The following PDE3A variants were observed in gnomAD, a reference collection of about 807,000 sequenced individuals.
PDE3A encodes phosphodiesterase 3A, also known as cGMP-inhibited 3',5'-cyclic phosphodiesterase 3A.
A neutral mutation model predicts 98.3 loss-of-function variants in PDE3A; 43 were observed. The ratio of observed to expected loss-of-function variants is 0.44; its 90% confidence interval spans 0.34 to 0.56. PDE3A has a LOEUF of 0.56. PDE3A is among the 20% of genes least tolerant of loss of function. PDE3A has a pLI of 0.01. For synonymous variants in PDE3A, 663 were observed against 567.9 expected, an observed-to-expected ratio of 1.17 and a Z score of -2.38; for missense variants, 1,427 against 1,440.7, an observed-to-expected ratio of 0.99 and a Z score of 0.15.
intron 1 of PDE3A, among the ~76,000 whole-genome samples, chr12:20,412,918 G>A (rs1944359324): frequency 6.6e-6 from 1 of 152,150 alleles, no homozygotes; most frequent in African/African-American, 2.4e-5. Flanking sequence ...GTGAGGGAGT[G>A]CATGTTTTAA....
intron 1 of PDE3A, among the ~76,000 whole-genome samples, chr12:20,467,529 A>T (rs538466750): frequency 6.6e-6 from 1 of 152,314 alleles, no homozygotes; most frequent in African/African-American, 2.4e-5. Flanking sequence ...GTGATACACT[A>T]TTAAAAACAT....
At chr12:20,482,906 A>C (rs1483530582) in intron 1 of PDE3A, among the ~76,000 whole-genome samples, 1 of 152,188 alleles carries the variant, frequency 6.6e-6, no homozygotes, top group African/African-American at 2.4e-5. Context: ...TTTCTGTGGA[A>C]AGATTTTTTT....
Position 20,486,656 on chromosome 12 carries a change from C to T in PDE3A, c.961-70004C>T, listed in dbSNP as rs117704656. On this transcript the variant is annotated intron_variant, in intron 1 of 15. Coordinates refer to ENST00000359062, the MANE Select transcript of PDE3A (RefSeq NM_000921.5). The stretch of plus-strand genomic sequence containing the variant: ...TGCTTATTTGTTTGTTTTTTTGAGA[C>T]AGAGTCTTGCTCTGTCACCTGTGCT... Among the ~76,000 whole-genome samples, 14 of 152,286 alleles carry T rather than the reference C, an allele frequency of 9.2e-5. No individual in the cohort carries two copies. The East Asian group carries it at 2.3e-3, about 25-fold the overall frequency.
chr12:20,488,914 C>T (rs1012232857), intron 1 of PDE3A, among the ~76,000 whole-genome samples: 2 of 151,636 alleles, frequency 1.3e-5, no homozygotes, highest in Non-Finnish European at 2.9e-5. Flanking sequence ...GAAGCAGTTC[C>T]CCTAATGATT....
intron 15 of PDE3A, among the ~76,000 whole-genome samples, chr12:20,669,531 T>C (rs1945413310): frequency 6.6e-6 from 1 of 150,658 alleles, no homozygotes; most frequent in Non-Finnish European, 1.5e-5. Context: ...CAGAAGAGAG[T>C]GGGGGCCAAT....
At chr12:20,468,218 T>G (rs777783637) in intron 1 of PDE3A, among the ~76,000 whole-genome samples, 3 of 152,176 alleles carry the variant, frequency 2.0e-5, no homozygotes, top group Non-Finnish European at 4.4e-5. Flanking sequence ...TACCCTGAGC[T>G]GTCTCAGAAT....
chr12:20,616,205 T>TA, intron 3 of PDE3A, 25 bp from the exon 4 acceptor site: 1 of 1,607,568 alleles, frequency 6.2e-7, no homozygotes, highest in Non-Finnish European at 8.5e-7. Flanking sequence ...ATATTCTGGG[T>TA]AATGAAGTCA....
intron 1 of PDE3A, among the ~76,000 whole-genome samples, chr12:20,431,621 A>G (rs28754741): frequency 6.0e-5 from 9 of 150,342 alleles, no homozygotes; most frequent in South Asian, 2.1e-4. Context: ...ACACACACAC[A>G]CGCACACACA....
At chr12:20,581,684 C>T (rs1030974313) in intron 2 of PDE3A, among the ~76,000 whole-genome samples, 3 of 148,728 alleles carry the variant, frequency 2.0e-5, no homozygotes, top group African/African-American at 7.5e-5. Flanking sequence ...ACGATCTCGG[C>T]TCACTGCAAG....
chr12:20,537,986 T>G (rs1268015370), intron 1 of PDE3A, among the ~76,000 whole-genome samples: 2 of 152,180 alleles, frequency 1.3e-5, no homozygotes, highest in African/African-American at 4.8e-5. Context: ...TGATGTGTTA[T>G]ATACATGGTA....
intron 15 of PDE3A, among the ~76,000 whole-genome samples, chr12:20,672,417 C>A (rs1459474244): frequency 7.8e-6 from 1 of 128,990 alleles, no homozygotes; most frequent in African/African-American, 3.0e-5. Flanking sequence ...AGAACAAAGG[C>A]TGGAGGCATC....
intron 1 of PDE3A, among the ~76,000 whole-genome samples, chr12:20,389,657 C>T (rs552097411): frequency 6.6e-6 from 1 of 151,970 alleles, no homozygotes; most frequent in East Asian, 1.9e-4. Flanking sequence ...ACCATCCTTG[C>T]ACCCTCCCTG....
chr12:20,670,507 C>T (rs1199440560), intron 15 of PDE3A, among the ~76,000 whole-genome samples: 2 of 152,138 alleles, frequency 1.3e-5, no homozygotes, highest in Non-Finnish European at 2.9e-5. Context: ...TCTCTCAGAC[C>T]ACAGTGCAAT....
chr12:20,407,741 A>G (rs1211535172), intron 1 of PDE3A, among the ~76,000 whole-genome samples: 1 of 152,094 alleles, frequency 6.6e-6, no homozygotes, highest in African/African-American at 2.4e-5. Flanking sequence ...TTTTTTAAAA[A>G]CTATTTCCAG....
intron 1 of PDE3A, among the ~76,000 whole-genome samples, chr12:20,394,277 G>A (rs1943967973): frequency 6.6e-6 from 1 of 152,096 alleles, no homozygotes; most frequent in African/African-American, 2.4e-5. Context: ...CAGAAAGTTA[G>A]GTTTCATTTT....
At chr12:20,653,351 A>C (rs1450555436) in intron 14 of PDE3A, among the ~76,000 whole-genome samples, 4 of 151,858 alleles carry the variant, frequency 2.6e-5, no homozygotes. Context: ...TATATTTTTA[A>C]AAAAATTGTT....
At chr12:20,594,427 A>G (rs1336521439) in intron 2 of PDE3A, among the ~76,000 whole-genome samples, 1 of 152,160 alleles carries the variant, frequency 6.6e-6, no homozygotes, top group East Asian at 1.9e-4. Flanking sequence ...AGAAATTCAT[A>G]TGAAGCCGAA....
chr12:20,466,671 G>T (rs1286624139), intron 1 of PDE3A, among the ~76,000 whole-genome samples: 3 of 152,150 alleles, frequency 2.0e-5, no homozygotes, highest in African/African-American at 7.2e-5. Context: ...TTTTTCAGTA[G>T]TTGCTGTTCT....
chr12:20,393,079 G>A (rs1177261304), intron 1 of PDE3A, among the ~76,000 whole-genome samples: 1 of 151,990 alleles, frequency 6.6e-6, no homozygotes, highest in African/African-American at 2.4e-5. Flanking sequence ...AGAAATTATA[G>A]TTAACAGTAA....
Sources: allele counts gnomAD v4.1 joint callset (sites outside exome capture counted in the v4.1 genomes callset), GRCh38; gene constraint gnomAD v4.1.1; transcripts MANE v1.5; gene names NCBI Gene and HGNC (gene_info 2026-07-23, HGNC 2026-07-21).